Variants in CIBAR1 observed in about 807,000 individuals in gnomAD.
The protein encoded by CIBAR1 is CBY1 interacting BAR domain containing 1.
CIBAR1 carries 25 observed loss-of-function variants against 44.0 expected under a neutral mutation model. The ratio of observed to expected loss-of-function variants is 0.57; its 90% CI spans 0.41 to 0.79. The LOEUF is 0.79. CIBAR1 is among the 30% of genes least tolerant of loss of function. The pLI is 0.00. For missense variants in CIBAR1, 278 were observed against 344.8 expected (o/e 0.81, Z 1.53); for synonymous variants, 115 against 119.0 (o/e 0.97, Z 0.22).
At position 93,700,839 on chromosome 8, in the gene CIBAR1, C is replaced by G. The variant is rs992531521; in HGVS notation, c.26+166C>G. On this transcript the variant is annotated intron_variant, in intron 1 of 8. Transcript: ENST00000518322. ...GCCTAATTCCTTGGGCTGCAGCCAC[C>G]GCCGGCGGCGAAGAGGAGCCCGGGG... is the stretch of plus-strand genomic sequence containing the variant. The G allele has an allele frequency of 6.1e-6, 8 of 1,312,952 alleles. No individual in the cohort carries two copies. In the Middle Eastern group the frequency reaches 7.9e-4, roughly 129 times the overall value. 81.3% of individuals were successfully genotyped at this position (1,312,952 alleles called of 1,614,324 possible). A position where few individuals can be genotyped will look rare whatever the true frequency, so the allele number is the denominator to read the frequency against.
intron 3 of CIBAR1, 91 bp downstream of exon 3, chr8:93,703,779 T>A: frequency 8.8e-7 from 1 of 1,131,964 alleles, no homozygotes. Flanking sequence ...AAATACAAAG[T>A]AGTGGCCAAG....
Position 93,726,427 on chromosome 8 carries a change from T to G in CIBAR1, c.691T>G (p.Ser231Ala). The change falls in exon 8 of 9, where the codon TCA becomes GCA. Residue 231 changes from serine to alanine, a missense_variant. Transcript: ENST00000518322. Reference sequence around the variant, plus strand: ...AAATTCTCTGTATGCACCAGATTATTCATCTCGTTTAGATATTGTAAGAGC... The same window carrying G: ...AAATTCTCTGTATGCACCAGATTATGCATCTCGTTTAGATATTGTAAGAGC... ...FRNSLYAPDY[S>A]SRLDIVRANS... The G allele has an allele frequency of 1.2e-6, 2 of 1,613,550 alleles. No individual in the cohort carries two copies.
intron 4 of CIBAR1, chr8:93,705,244 A>G: frequency 2.3e-6 from 1 of 429,640 alleles, no homozygotes; most frequent in Non-Finnish European, 4.1e-6. Flanking sequence ...ACAAACAAAA[A>G]ATTCAGATGT....
At chr8:93,703,585 A>G in intron 2 of CIBAR1, 35 bp from the exon 3 acceptor site, 3 of 1,273,616 alleles carry the variant, frequency 2.4e-6, no homozygotes, top group Non-Finnish European at 2.2e-6. Flanking sequence ...AAAATGTTAA[A>G]CGTTCTAATT....
At chr8:93,702,629 G>A in intron 2 of CIBAR1, 1 of 399,970 alleles carries the variant, frequency 2.5e-6, no homozygotes, top group Non-Finnish European at 5.0e-6. Flanking sequence ...ATGGTGTAAA[G>A]CAAACTGTCC....
intron 7 of CIBAR1, among the ~76,000 whole-genome samples, chr8:93,722,322 G>A (rs1455924891): frequency 2.0e-5 from 3 of 152,196 alleles, no homozygotes; most frequent in African/African-American, 7.2e-5. Context: ...AAGAACCGCT[G>A]AGATTTATTC....
rs1811704353 is a variant in CIBAR1, at chr8:93,729,523, TA to T, written c.*1229del. The T allele has an allele frequency of 6.6e-6, 1 of 152,176 alleles. No individual in the cohort carries two copies. Among genetic ancestry groups the T allele is most frequent in the African/African-American group, 2.4e-5 (1 of 41,460 alleles). The allele number at this position is 152,176 out of a possible 1,614,324, so 9.4% of individuals were successfully genotyped here. On this transcript the variant is annotated 3_prime_UTR_variant, in exon 9 of 9. Transcript: ENST00000518322. ...TCTTGAGCATTATTTGCCTTGTTTG[TA>T]AAGTTAAAACTGCGTAAAACAGTAA...
rs780934133 is a variant in CIBAR1, at chr8:93,724,982, GA to G, written c.658-1409del. 7.8e-4 allele frequency among the ~76,000 whole-genome samples: 119 copies of G among 152,188 alleles called. 1 individual carries two copies. The highest frequency in any genetic ancestry group is 1.5e-3 in the Non-Finnish European group (104 of 67,972). ...AACAGTGTAGATAAGATCTTTCAGA[GA>G]AACTTTTTTTTTGAGACAGGGTCTC... is the stretch of plus-strand genomic sequence containing the variant. On this transcript the variant is annotated intron_variant, in intron 7 of 8. Coordinates refer to ENST00000518322, the MANE Select transcript of CIBAR1 (RefSeq NM_145269.5).
intron 4 of CIBAR1, chr8:93,705,343 A>G: frequency 3.4e-6 from 1 of 296,914 alleles, no homozygotes; most frequent in Non-Finnish European, 6.1e-6. Context: ...TCTATTGTTA[A>G]TCCTAATATA....
At chr8:93,712,291 A>G (rs535477172) in intron 6 of CIBAR1, among the ~76,000 whole-genome samples, 1 of 152,362 alleles carries the variant, frequency 6.6e-6, no homozygotes, top group African/African-American at 2.4e-5. Context: ...ATTTCATAGA[A>G]TGGAATCATC....
chr8:93,721,485 G>A (rs1457208975), intron 7 of CIBAR1, among the ~76,000 whole-genome samples: 3 of 152,090 alleles, frequency 2.0e-5, no homozygotes, highest in African/African-American at 4.8e-5. Flanking sequence ...TGTGGGAGAA[G>A]AGCTCTATGT....
chr8:93,716,407 T>A (rs1389251214), intron 6 of CIBAR1, among the ~76,000 whole-genome samples: 1 of 151,950 alleles, frequency 6.6e-6, no homozygotes, highest in African/African-American at 2.4e-5. Flanking sequence ...GTATTTTTAA[T>A]AATAGGTAAA....
chr8:93,705,436 C>T (rs1026430496), intron 4 of CIBAR1: 1 of 165,404 alleles, frequency 6.0e-6, no homozygotes, highest in Admixed American at 6.4e-5. Context: ...AATAAAACAA[C>T]TATGTGACAT....
chr8:93,726,834 C>T, intron 8 of CIBAR1: 1 of 348,342 alleles, frequency 2.9e-6, no homozygotes, highest in Non-Finnish European at 5.5e-6. Flanking sequence ...AGGTTTAAAT[C>T]TCACTATCAA....
intron 6 of CIBAR1, among the ~76,000 whole-genome samples, chr8:93,712,554 T>TA (rs1295413734): frequency 6.6e-6 from 1 of 152,210 alleles, no homozygotes; most frequent in Non-Finnish European, 1.5e-5. Flanking sequence ...TTTGGATATA[T>TA]ACCCAGGAGT....
chr8:93,715,743 T>C (rs2130342861), intron 6 of CIBAR1: 1 of 152,332 alleles, frequency 6.6e-6, no homozygotes, highest in East Asian at 1.9e-4. Flanking sequence ...CCATATCATT[T>C]TTTTGTTATC....
rs185636404 is a variant in CIBAR1 at position 93,722,591 on chromosome 8, G to A, written c.657+3803G>A. 6.6e-5 allele frequency among the ~76,000 whole-genome samples: 10 copies of A among 152,194 alleles called. No homozygotes were observed. In the East Asian group the frequency reaches 1.7e-3, roughly 27 times the overall value. ...CGCGTGCCTGTAATCCCAGCTACTC[G>A]AGAGGCTGAGATGGAAGGAATCGCT... On this transcript the variant is annotated intron_variant, in intron 7 of 8. Coordinates refer to ENST00000518322, the MANE Select transcript of CIBAR1 (RefSeq NM_145269.5).
chr8:93,705,741 G>A (rs1471318268), intron 4 of CIBAR1, among the ~76,000 whole-genome samples: 2 of 152,130 alleles, frequency 1.3e-5, no homozygotes, highest in East Asian at 3.9e-4. Flanking sequence ...CATGAGGTCA[G>A]GAGTTCGAGA....
chr8:93,702,389 C>A, intron 2 of CIBAR1: 1 of 389,686 alleles, frequency 2.6e-6, no homozygotes, highest in South Asian at 1.9e-5. Context: ...CACAGGTAAT[C>A]CTAAAATCTT....
Sources: gnomAD v4.1 joint callset for allele counts (sites outside exome capture counted in the v4.1 genomes callset) on GRCh38, gnomAD v4.1.1 for gene constraint, MANE v1.5 for transcripts, NCBI Gene and HGNC (gene_info 2026-07-23, HGNC 2026-07-21) for gene names.